The following INPP4B variants were observed in gnomAD, a reference collection of about 807,000 sequenced individuals.
INPP4B encodes inositol polyphosphate-4-phosphatase type II B, also known as inositol polyphosphate 4-phosphatase type II.
Under a neutral mutation model 122.5 loss-of-function variants are expected in INPP4B, and 55 were observed. That is an observed-to-expected ratio of 0.45 (90% CI 0.36 to 0.56). The LOEUF (loss-of-function observed/expected upper bound fraction) is 0.56, where lower values mean the gene tolerates loss of function less well. Among genes scored for constraint, INPP4B ranks in the 20% least tolerant of loss-of-function variants. The pLI is 0.00. For missense variants in INPP4B, 1,000 were observed against 1,097.7 expected (o/e 0.91, Z 1.26); for synonymous variants, 403 against 388.7 (o/e 1.04, Z -0.43).
chr4:142,115,393 G>A (rs1792617931), intron 21 of INPP4B, among the ~76,000 whole-genome samples: 1 of 152,160 alleles, frequency 6.6e-6, no homozygotes, highest in Non-Finnish European at 1.5e-5. Context: ...AGGAAAACAT[G>A]TTAAGGGCAG....
intron 18 of INPP4B, among the ~76,000 whole-genome samples, chr4:142,141,351 C>T (rs1420442340): frequency 6.6e-6 from 1 of 152,026 alleles, no homozygotes; most frequent in African/African-American, 2.4e-5. Flanking sequence ...TTTAAGATGA[C>T]GTCAAAATCT....
intron 1 of INPP4B, among the ~76,000 whole-genome samples, chr4:142,764,177 A>G (rs1272947785): frequency 2.6e-5 from 4 of 152,180 alleles, no homozygotes; most frequent in East Asian, 1.9e-4. Context: ...ATAAAAATAT[A>G]TAATTTACAT....
chr4:142,428,735 T>C (rs1808646466), intron 5 of INPP4B, among the ~76,000 whole-genome samples: 2 of 151,992 alleles, frequency 1.3e-5, no homozygotes, highest in South Asian at 4.1e-4. Flanking sequence ...AAAATCAATA[T>C]GGAAGAGTCA....
chr4:142,180,203 A>T (rs1830164879), intron 15 of INPP4B, among the ~76,000 whole-genome samples: 1 of 152,180 alleles, frequency 6.6e-6, no homozygotes, highest in Non-Finnish European at 1.5e-5. Flanking sequence ...GGAATTATAT[A>T]CTTATAATAG....
intron 1 of INPP4B, among the ~76,000 whole-genome samples, chr4:142,757,498 C>T (rs1374663520): frequency 2.0e-5 from 3 of 152,124 alleles, no homozygotes; most frequent in African/African-American, 4.8e-5. Flanking sequence ...CATAGTTTTG[C>T]CTTTTCCAGA....
intron 2 of INPP4B, among the ~76,000 whole-genome samples, chr4:142,497,187 C>A (rs923271082): frequency 6.6e-6 from 1 of 152,040 alleles, no homozygotes; most frequent in Non-Finnish European, 1.5e-5. Flanking sequence ...TTTTACCTGA[C>A]ACTTTATTAG....
intron 3 of INPP4B, among the ~76,000 whole-genome samples, chr4:142,446,735 G>C (rs1812991131): frequency 6.6e-6 from 1 of 152,170 alleles, no homozygotes; most frequent in Non-Finnish European, 1.5e-5. Flanking sequence ...ACTGAGAAAA[G>C]AGGAGTGAGT....
At chr4:142,815,398 GA>G (rs1779997812) in intron 1 of INPP4B, among the ~76,000 whole-genome samples, 1 of 152,122 alleles carries the variant, frequency 6.6e-6, no homozygotes, top group African/African-American at 2.4e-5. Flanking sequence ...ATTAATAGGA[GA>G]AATCAGATGT....
chr4:142,493,980 G>C (rs913411962), intron 2 of INPP4B, among the ~76,000 whole-genome samples: 7 of 152,272 alleles, frequency 4.6e-5, no homozygotes, highest in African/African-American at 1.4e-4. Flanking sequence ...AATCATAGGG[G>C]TGGTTACTTC....
At position 142,739,140 on chromosome 4, in the gene INPP4B, G is replaced by A. The variant is rs547693247; in HGVS notation, c.-253-13239C>T. 2.4e-3 allele frequency among the ~76,000 whole-genome samples: 368 copies of A among 152,000 alleles called. 3 individuals are homozygous for A. The highest frequency in any genetic ancestry group is 3.8e-3 in the Non-Finnish European group (261 of 67,962). Reference sequence around the variant, plus strand: ...AACCATCAAATAAACTTCAAAAACCGTAAATTAATGCAAAAGAAAATCAAT... The same window carrying A: ...AACCATCAAATAAACTTCAAAAACCATAAATTAATGCAAAAGAAAATCAAT... On this transcript the variant is annotated intron_variant, in intron 1 of 25. Coordinates refer to ENST00000262992, the MANE Select transcript of INPP4B (RefSeq NM_001101669.3).
chr4:142,242,926 T>C (rs1860224616), intron 11 of INPP4B, among the ~76,000 whole-genome samples: 1 of 152,148 alleles, frequency 6.6e-6, no homozygotes, highest in Non-Finnish European at 1.5e-5. Context: ...TTGTTCTCTT[T>C]TTTTCCTCCT....
intron 2 of INPP4B, among the ~76,000 whole-genome samples, chr4:142,636,568 G>A (rs1749211513): frequency 1.3e-5 from 2 of 151,864 alleles, no homozygotes; most frequent in African/African-American, 4.8e-5. Context: ...TGACCAAGAG[G>A]TATTAGTTTT....
intron 18 of INPP4B, among the ~76,000 whole-genome samples, chr4:142,130,328 GA>G (rs1315157710): frequency 1.3e-5 from 2 of 152,166 alleles, no homozygotes; most frequent in African/African-American, 4.8e-5. Context: ...TGGAAGAGAG[GA>G]AATAAATGAC....
At chr4:142,642,942 A>C (rs1232895330) in intron 2 of INPP4B, among the ~76,000 whole-genome samples, 1 of 152,134 alleles carries the variant, frequency 6.6e-6, no homozygotes, top group East Asian at 1.9e-4. Context: ...CTTTTATTTC[A>C]TGGAGCAGTG....
chr4:142,201,187 G>C (rs1162211023), intron 14 of INPP4B, among the ~76,000 whole-genome samples: 1 of 152,020 alleles, frequency 6.6e-6, no homozygotes, highest in Non-Finnish European at 1.5e-5. Context: ...AGTAGCTGCT[G>C]AATGTTATTC....
chr4:142,337,300 T>C (rs921593079), intron 7 of INPP4B, among the ~76,000 whole-genome samples: 1 of 152,188 alleles, frequency 6.6e-6, no homozygotes, highest in East Asian at 1.9e-4. Flanking sequence ...CTGGAGACCA[T>C]GTGTAAATCA....
At chr4:142,191,109 C>T (rs1835618195) in intron 15 of INPP4B, among the ~76,000 whole-genome samples, 1 of 152,118 alleles carries the variant, frequency 6.6e-6, no homozygotes, top group African/African-American at 2.4e-5. Context: ...CTGTTAATCA[C>T]AATGAAACAC....
chr4:142,668,893 C>CA (rs1037665372), intron 2 of INPP4B, among the ~76,000 whole-genome samples: 1,416 of 137,634 alleles, frequency 0.01, 25 homozygotes, highest in African/African-American at 0.034. Context: ...CTAGAAAATA[C>CA]AAAAAAAAAA....
At position 142,122,145 on chromosome 4, in the gene INPP4B, T is replaced by C. The variant is rs1295644789; in HGVS notation, c.2118A>G (p.Pro706=). The C allele has an allele frequency of 1.2e-6, 2 of 1,609,408 alleles. No individual in the cohort carries two copies. The highest frequency in any genetic ancestry group is 1.7e-6 in the Non-Finnish European group (2 of 1,177,314). ...CTGCTTACCGTCTTCCTGTTATAAC[T>C]GGCAACACATCATTGGATTTGGCTT... ...IIEAKSNDVL[P]VITGRREHYV... Residue 706 remains proline (P), a synonymous_variant, in exon 21 of 26, where the codon CCA becomes CCG. Transcript: ENST00000262992.
Sources: allele counts gnomAD v4.1 joint callset (sites outside exome capture counted in the v4.1 genomes callset), GRCh38; gene constraint gnomAD v4.1.1; transcripts MANE v1.5; gene names NCBI Gene and HGNC (gene_info 2026-07-23, HGNC 2026-07-21).